The following DNAH14 variants were observed in gnomAD, a reference collection of about 807,000 sequenced individuals.
The protein encoded by DNAH14 is axonemal beta dynein heavy chain 14.
A neutral mutation model predicts 520.9 loss-of-function variants in DNAH14; 478 were observed. The observed-to-expected ratio is 0.92, with a 90% CI of 0.85 to 0.99. DNAH14 has a LOEUF of 0.99. Among genes scored for constraint, DNAH14 ranks in the 50% least tolerant of loss-of-function variants. The pLI, the probability that DNAH14 is intolerant of heterozygous loss-of-function variation, is 0.00. For synonymous variants in DNAH14, 1,581 were observed against 1,757.2 expected, an observed-to-expected ratio of 0.90 and a Z score of 2.51; for missense variants, 4,831 against 5,234.5, an observed-to-expected ratio of 0.92 and a Z score of 2.38.
At chr1:225,120,689 A>T (rs192995512) in intron 26 of DNAH14, among the ~76,000 whole-genome samples, 1 of 152,226 alleles carries the variant, frequency 6.6e-6, no homozygotes, top group East Asian at 1.9e-4. Context: ...ATTTTTGCAA[A>T]TGCAGTTTCA....
chr1:224,955,739 T>C (rs150094644), intron 3 of DNAH14, among the ~76,000 whole-genome samples: 137 of 152,292 alleles, frequency 9.0e-4, no homozygotes, highest in African/African-American at 3.1e-3. Context: ...CCATAGGAAG[T>C]TGGGGTCCAT....
intron 17 of DNAH14, among the ~76,000 whole-genome samples, chr1:225,076,684 G>A (rs1399635430): frequency 6.6e-6 from 1 of 152,114 alleles, no homozygotes; most frequent in Non-Finnish European, 1.5e-5. Context: ...CAAAGAATCT[G>A]TTCTGAAAGT....
chr1:225,050,248 A>C lies in DNAH14; in HGVS notation c.1951A>C (p.Ile651Leu). ...TCTTTGCCAAGATCCCCAGCTGTCT[A>C]TCTTCATTGATTTGGTTTCAATAAT... ...TPLCQDPQLSIFIDLVSIMDL... is the reference protein window; with the variant it reads ...TPLCQDPQLSLFIDLVSIMDL... Residue 651 changes from isoleucine (I) to leucine (L), a missense_variant, in exon 16 of 86, where the codon ATC becomes CTC. Physicochemically the swap from Ile to Leu is conservative, Grantham distance 5. Coordinates refer to ENST00000682510, the MANE Select transcript of DNAH14 (RefSeq NM_001367479.1). The C allele has an allele frequency of 1.3e-6, 2 of 1,549,178 alleles. No individual in the cohort carries two copies. Among genetic ancestry groups the C allele is most frequent in the Non-Finnish European group, 1.7e-6 (2 of 1,146,164 alleles).
At chr1:225,240,278 C>T (rs1487204772) in intron 42 of DNAH14, among the ~76,000 whole-genome samples, 1 of 149,420 alleles carries the variant, frequency 6.7e-6, no homozygotes, top group Non-Finnish European at 1.5e-5. Context: ...AAATAACATA[C>T]TAAACATATA....
chr1:225,388,625 T>C (rs530782879), intron 82 of DNAH14, 134 bp downstream of exon 82: 4 of 535,162 alleles, frequency 7.5e-6, no homozygotes, highest in East Asian at 5.6e-5. Flanking sequence ...GGGATTCTTA[T>C]CTTCTGTTTG....
chr1:225,271,870 T>A (rs1461850529), intron 50 of DNAH14, 36 bp from the exon 51 acceptor site: 1 of 1,523,444 alleles, frequency 6.6e-7, no homozygotes, highest in East Asian at 2.5e-5. Context: ...TACCTCAAAT[T>A]TTTGGCAAGC....
Position 225,364,889 on chromosome 1 carries a change from T to G in DNAH14, c.12085T>G (p.Leu4029Val). 1 of 1,544,884 alleles carries G rather than the reference T, an allele frequency of 6.5e-7. No homozygotes were observed. Among genetic ancestry groups the G allele is most frequent in the Non-Finnish European group, 8.7e-7 (1 of 1,144,044 alleles). The change falls in exon 76 of 86, where the codon TTA becomes GTA. Residue 4029 changes from leucine to valine, a missense_variant. Leu to Val is a conservative substitution (Grantham distance 32, BLOSUM62 1). Transcript: ENST00000682510. ...SFPIPVLKKG[L>V]KIAVESPQGL... is the part of the protein sequence containing the mutation. ...TCCAATTCCTGTTCTTAAAAAGGGT[T>G]TAAAGGTAAGAACAAAGTATAACAG... is the stretch of plus-strand genomic sequence containing the variant.
intron 55 of DNAH14, 72 bp from the exon 56 acceptor site, chr1:225,300,797 T>C (rs2150066198): frequency 6.9e-7 from 1 of 1,440,630 alleles, no homozygotes. Context: ...TCTTGCTTCC[T>C]CAAATTGATG....
chr1:225,071,503 TG>T (rs749545759), intron 17 of DNAH14, among the ~76,000 whole-genome samples: 3 of 152,174 alleles, frequency 2.0e-5, no homozygotes, highest in Non-Finnish European at 4.4e-5. Flanking sequence ...TGTTGAATAT[TG>T]GCCTCCAATC....
intron 75 of DNAH14, among the ~76,000 whole-genome samples, chr1:225,361,180 C>A (rs1038531989): frequency 2.0e-5 from 3 of 152,208 alleles, no homozygotes; most frequent in African/African-American, 7.2e-5. Flanking sequence ...TATAAGCATA[C>A]ACACACATTA....
chr1:225,386,124 T>A (rs2095838754), intron 81 of DNAH14, among the ~76,000 whole-genome samples: 1 of 152,154 alleles, frequency 6.6e-6, no homozygotes, highest in African/African-American at 2.4e-5. Context: ...AAACAAGCAA[T>A]GGGGAAACGA....
intron 81 of DNAH14, among the ~76,000 whole-genome samples, chr1:225,384,344 G>A (rs554815974): frequency 4.1e-4 from 62 of 152,176 alleles, no homozygotes; most frequent in East Asian, 1.9e-4. Flanking sequence ...GGGTGTTAAA[G>A]TCTCCCATTA....
chr1:225,048,528 C>T (rs1040565922), intron 15 of DNAH14, among the ~76,000 whole-genome samples: 1 of 152,016 alleles, frequency 6.6e-6, no homozygotes, highest in African/African-American at 2.4e-5. Flanking sequence ...AAATAATTAT[C>T]CATGTTGTTA....
Position 225,380,340 on chromosome 1 carries a change from G to A in DNAH14, c.12880+18G>A. 2 of 1,543,796 alleles carry A rather than the reference G, an allele frequency of 1.3e-6. No individual in the cohort carries two copies. Among genetic ancestry groups the A allele is most frequent in the Non-Finnish European group, 1.7e-6 (2 of 1,143,064 alleles). On this transcript the variant is annotated intron_variant, in intron 80 of 85. Transcript: ENST00000682510. ...TCTCAAAGGTGAGCATGGGACAGGA[G>A]CTTTTTCCCCTTACCTCACTCTCCT...
intron 59 of DNAH14, among the ~76,000 whole-genome samples, 187 bp from the exon 60 acceptor site, chr1:225,308,098 G>A (rs1017040733): frequency 1.3e-5 from 2 of 152,194 alleles, no homozygotes; most frequent in African/African-American, 4.8e-5. Context: ...TGGCCAAATG[G>A]TGAGAGCTCT....
rs1303543952 is a variant in DNAH14 at position 225,140,895 on chromosome 1, A to T, written c.4382A>T (p.Asp1461Val). The part of the protein sequence containing the change: ...LEEVADLVVL[D>V]TSNSRTKAIL... ...GAGGTTGCAGACCTGGTAGTGCTGG[A>T]TACTAGTAACTCTCGAACAAAAGCT... Residue 1461 changes from aspartate to valine, a missense_variant, in exon 28 of 86, where the codon GAT becomes GTT. Coordinates refer to ENST00000682510, the MANE Select transcript of DNAH14 (RefSeq NM_001367479.1). 2.6e-6 allele frequency: 4 copies of T among 1,551,430 alleles called. No homozygotes were observed. The African/African-American group carries it at 5.5e-5, about 21-fold the overall frequency.
intron 21 of DNAH14, among the ~76,000 whole-genome samples, chr1:225,094,536 C>T (rs951273974): frequency 1.3e-5 from 2 of 151,360 alleles, no homozygotes; most frequent in Non-Finnish European, 2.9e-5. Context: ...GGAAAATAAC[C>T]TAGGAAATAC....
At chr1:224,958,906 A>C (rs150815609) in intron 3 of DNAH14, among the ~76,000 whole-genome samples, 2 of 152,256 alleles carry the variant, frequency 1.3e-5, no homozygotes, top group African/African-American at 4.8e-5. Context: ...GTGGAATCAA[A>C]AAGCATGAGC....
chr1:225,085,780 GC>G lies in DNAH14; in HGVS notation c.3567del (p.Ile1190LeufsTer5), dbSNP rs1049891210. ...CAATTAAAGGATCTCCCCACATTGG[GC>G]CCATTAAGGTAAGTATTATGGCAAA... ...ATIKGSPHIG[P>X]IKDLVNEWDQ... On this transcript the variant is annotated frameshift_variant, in exon 21 of 86. Coordinates refer to ENST00000682510, the MANE Select transcript of DNAH14 (RefSeq NM_001367479.1). LOFTEE classifies it high-confidence loss of function. 58 of 1,542,220 alleles carry G rather than the reference GC, an allele frequency of 3.8e-5. No homozygotes were observed. The highest frequency in any genetic ancestry group is 1.7e-4 in the Middle Eastern group (1 of 5,946).
Sources: allele counts gnomAD v4.1 joint callset (sites outside exome capture counted in the v4.1 genomes callset), GRCh38; gene constraint gnomAD v4.1.1; transcripts MANE v1.5; gene names NCBI Gene and HGNC (gene_info 2026-07-23, HGNC 2026-07-21).